The following BPNT1 variants were observed in gnomAD, a reference collection of about 807,000 sequenced individuals.
BPNT1 encodes 3'(2'), 5'-bisphosphate nucleotidase 1.
BPNT1 carries 28 observed loss-of-function variants against 36.9 expected under a neutral mutation model. The observed-to-expected ratio is 0.76, with a 90% CI of 0.56 to 1.04. The LOEUF (loss-of-function observed/expected upper bound fraction) is 1.04. BPNT1 is among the 50% of genes least tolerant of loss of function. The pLI is 0.00. For synonymous variants in BPNT1, 119 were observed against 130.9 expected (o/e 0.91, Z 0.62); for missense variants, 313 against 372.9 (o/e 0.84, Z 1.32).
At chr1:220,080,936 G>A (rs752489244) in intron 1 of BPNT1, among the ~76,000 whole-genome samples, 10 of 152,124 alleles carry the variant, frequency 6.6e-5, no homozygotes, top group Non-Finnish European at 1.0e-4. Flanking sequence ...TGAAATAAAC[G>A]GAAAAAACAG....
intron 4 of BPNT1, among the ~76,000 whole-genome samples, chr1:220,072,581 C>G (rs1664166956): frequency 6.6e-6 from 1 of 152,134 alleles, no homozygotes; most frequent in Admixed American, 6.5e-5. Context: ...TCCCAGAGTG[C>G]TGGGATTACA....
intron 1 of BPNT1, among the ~76,000 whole-genome samples, chr1:220,089,101 GAAAAAA>G (rs764942826): frequency 9.5e-4 from 37 of 39,152 alleles, no homozygotes; most frequent in African/African-American, 3.5e-3. Context: ...ACTCCGTCTC[GAAAAAA>G]AAAAAAAAAA....
chr1:220,088,163 G>A (rs900180871), intron 1 of BPNT1, among the ~76,000 whole-genome samples: 3 of 151,564 alleles, frequency 2.0e-5, no homozygotes, highest in African/African-American at 7.3e-5. Flanking sequence ...GAGCCACCGC[G>A]CCGGGCCATG....
At chr1:220,085,572 C>T (rs913259474) in intron 1 of BPNT1, among the ~76,000 whole-genome samples, 7 of 152,218 alleles carry the variant, frequency 4.6e-5, no homozygotes, top group Admixed American at 6.5e-5. Flanking sequence ...CCAAATAATA[C>T]TGGCTAACCA....
chr1:220,081,061 C>T (rs1302716398), intron 1 of BPNT1, among the ~76,000 whole-genome samples: 1 of 152,176 alleles, frequency 6.6e-6, no homozygotes, highest in African/African-American at 2.4e-5. Context: ...GCCTCAGCCT[C>T]CCAAGTAGCT....
chr1:220,058,790 A>G lies in BPNT1; in HGVS notation c.*54T>C, dbSNP rs1227509864. Reference sequence around the variant, plus strand: ...GTGATCCACCTGCCTCGGCCTCCCAAAGTGCTGGGATTACAGGCATGAGCC... The same window carrying G: ...GTGATCCACCTGCCTCGGCCTCCCAGAGTGCTGGGATTACAGGCATGAGCC... On this transcript the variant is annotated 3_prime_UTR_variant, in exon 9 of 9. Transcript: ENST00000322067. 5 of 1,550,144 alleles carry G rather than the reference A, an allele frequency of 3.2e-6. No homozygotes were observed. The highest frequency in any genetic ancestry group is 1.4e-5 in the African/African-American group (1 of 73,528).
At chr1:220,070,129 TA>T (rs1558086301) in intron 4 of BPNT1, among the ~76,000 whole-genome samples, 1 of 152,040 alleles carries the variant, frequency 6.6e-6, no homozygotes, top group African/African-American at 2.4e-5. Flanking sequence ...GTGCTGATTT[TA>T]AAAAAACAAG....
chr1:220,079,628 T>G, intron 2 of BPNT1, 99 bp downstream of exon 2: 1 of 1,455,714 alleles, frequency 6.9e-7, no homozygotes, highest in East Asian at 2.3e-5. Flanking sequence ...AGCCATCAAT[T>G]ATTTTAACTG....
At position 220,069,365 on chromosome 1, in the gene BPNT1, A is replaced by G; in HGVS notation, c.382+19T>C. On this transcript the variant is annotated intron_variant, in intron 5 of 8. Coordinates refer to ENST00000322067, the MANE Select transcript of BPNT1 (RefSeq NM_006085.6). ...CTTGTCCCACTACTGTCAAATATGA[A>G]TACAAAAGAGATATCAACCTTCGGT... is the stretch of plus-strand genomic sequence containing the variant. 1 of 1,576,962 alleles carries G rather than the reference A, an allele frequency of 6.3e-7. No individual in the cohort carries two copies.
Position 220,059,668 on chromosome 1 carries a change from CA to C in BPNT1, c.778+17del, listed in dbSNP as rs554372287. The C allele has an allele frequency of 1.3e-5, 20 of 1,547,378 alleles. No individual in the cohort carries two copies. The South Asian group carries it at 2.4e-4, about 18-fold the overall frequency. On this transcript the variant is annotated intron_variant, in intron 8 of 8. Transcript: ENST00000322067. ...ATTGTAGAAAAACTATGAATTTCCT[CA>C]AATAAAACAGACTAACCTCCCACAG...
In BPNT1 at chr1:220,085,073, TA is replaced by T. The variant is rs558004798; in HGVS notation, c.-9+4612del. 5.0e-3 allele frequency among the ~76,000 whole-genome samples: 705 copies of T among 140,726 alleles called. 3 individuals carry two copies. The highest frequency in any genetic ancestry group is 7.8e-3 in the South Asian group (35 of 4,508). 92.3% of individuals were successfully genotyped at this position (140,726 alleles called of 152,430 possible). On this transcript the variant is annotated intron_variant, in intron 1 of 8. Transcript: ENST00000322067. ...GATGAATACAATGTTGGTTCTTGGT[TA>T]AAAAAAAAAAAAGAAAAAATACATA...
chr1:220,089,087 C>G (rs2102800868), intron 1 of BPNT1, among the ~76,000 whole-genome samples: 1 of 111,698 alleles, frequency 9.0e-6, no homozygotes, highest in South Asian at 2.9e-4. Flanking sequence ...GGCGACAGAG[C>G]GAGACTCCGT....
chr1:220,068,538 C>T (rs921912602), intron 5 of BPNT1, among the ~76,000 whole-genome samples: 2 of 151,444 alleles, frequency 1.3e-5, no homozygotes, highest in Non-Finnish European at 2.9e-5. Flanking sequence ...CTACCAGGTG[C>T]GGTGGCTCAC....
At position 220,081,458 on chromosome 1, in the gene BPNT1, G is replaced by A. The variant is rs188627810; in HGVS notation, c.-8-1604C>T. ...CTCGGGAGGCTAAGGCAGGAGAATC[G>A]CTTGAACCTGGGACGCAGAGGCTGC... is the stretch of plus-strand genomic sequence containing the variant. On this transcript the variant is annotated intron_variant, in intron 1 of 8. Transcript: ENST00000322067. Among the ~76,000 whole-genome samples, 12 of 152,088 alleles carry A rather than the reference G, an allele frequency of 7.9e-5. No homozygotes were observed. The South Asian group carries it at 1.5e-3, about 18-fold the overall frequency.
At chr1:220,081,457 C>T (rs1003541014) in intron 1 of BPNT1, among the ~76,000 whole-genome samples, 3 of 151,974 alleles carry the variant, frequency 2.0e-5, no homozygotes, top group East Asian at 2.0e-4. Context: ...GCAGGAGAAT[C>T]GCTTGAACCT....
intron 2 of BPNT1, among the ~76,000 whole-genome samples, chr1:220,078,418 TAATA>T (rs888029435): frequency 9.2e-5 from 13 of 141,952 alleles, no homozygotes; most frequent in South Asian, 2.1e-4. Flanking sequence ...TAATTTATAA[TAATA>T]AATAATAATT....
At chr1:220,076,903 C>T (rs1196811689) in intron 2 of BPNT1, among the ~76,000 whole-genome samples, 2 of 151,932 alleles carry the variant, frequency 1.3e-5, no homozygotes, top group African/African-American at 4.8e-5. Context: ...GGATTTGGTC[C>T]ACTTTTCTCA....
intron 2 of BPNT1, among the ~76,000 whole-genome samples, chr1:220,078,414 A>G (rs1307584547): frequency 7.0e-6 from 1 of 142,636 alleles, no homozygotes; most frequent in Non-Finnish European, 1.5e-5. Context: ...ATAATAATTT[A>G]TAATAATAAA....
chr1:220,068,702 T>C (rs1467520751), intron 5 of BPNT1, among the ~76,000 whole-genome samples: 2 of 151,884 alleles, frequency 1.3e-5, no homozygotes, highest in Non-Finnish European at 2.9e-5. Context: ...TCCCCGCTAC[T>C]TGGGAGGTGA....
Sources: gnomAD v4.1 joint callset for allele counts (sites outside exome capture counted in the v4.1 genomes callset) on GRCh38, gnomAD v4.1.1 for gene constraint, MANE v1.5 for transcripts, NCBI Gene and HGNC (gene_info 2026-07-23, HGNC 2026-07-21) for gene names.